The following CELF2 variants were observed in gnomAD, a reference collection of about 807,000 sequenced individuals.
CELF2 encodes CUG triplet repeat RNA-binding protein 2.
A neutral mutation model predicts 62.6 loss-of-function variants in CELF2; 8 were observed. The observed-to-expected ratio is 0.13, with a 90% CI of 0.07 to 0.23. CELF2 has a LOEUF of 0.23. Among genes scored for constraint, CELF2 ranks in the 10% least tolerant of loss-of-function variants. CELF2 has a pLI of 1.00. For missense variants in CELF2, 333 were observed against 671.0 expected (o/e 0.50, Z 5.56); for synonymous variants, 258 against 250.0 (o/e 1.03, Z -0.30).
chr10:10,719,567 C>T, the CELF2 span, among the ~76,000 whole-genome samples: 47 of 152,258 alleles, frequency 3.1e-4, no homozygotes, highest in Non-Finnish European at 5.4e-4. Flanking sequence ...TGTACCCAGC[C>T]TATATTGATT....
chr10:10,664,330 T>A, the CELF2 span, among the ~76,000 whole-genome samples: 2 of 152,224 alleles, frequency 1.3e-5, no homozygotes, highest in Non-Finnish European at 2.9e-5. Flanking sequence ...GCTCAAGTTT[T>A]TAAAAATGAA....
At chr10:10,644,402 CGT>C in the CELF2 span, among the ~76,000 whole-genome samples, 27,469 of 149,856 alleles carry the variant, frequency 0.18, 2,569 homozygotes, top group South Asian at 0.24. Flanking sequence ...AGTGTGTGTT[CGT>C]GTGTGTGTGT....
intron 1 of CELF2, among the ~76,000 whole-genome samples, chr10:11,035,236 T>G (rs1415351425): frequency 6.6e-6 from 1 of 152,250 alleles, no homozygotes; most frequent in Non-Finnish European, 1.5e-5. Context: ...CCAAGCCGTC[T>G]TCTTACCTAA....
At chr10:10,717,408 G>A in the CELF2 span, among the ~76,000 whole-genome samples, 3 of 151,344 alleles carry the variant, frequency 2.0e-5, no homozygotes, top group East Asian at 5.8e-4. Flanking sequence ...GTCAAATACA[G>A]ACACCTAATC....
At position 11,243,500 on chromosome 10, in the gene CELF2, A is replaced by G. The variant is rs916824905; in HGVS notation, c.355-5653A>G. Among the ~76,000 whole-genome samples, 1 of 152,160 alleles carries G rather than the reference A, an allele frequency of 6.6e-6. No homozygotes were observed. The highest frequency in any genetic ancestry group is 1.5e-5 in the Non-Finnish European group (1 of 68,032). On this transcript the variant is annotated intron_variant, in intron 3 of 12. Coordinates refer to ENST00000633077, the MANE Select transcript of CELF2 (RefSeq NM_001326342.2). This position sits in a 1 kb window ranked among gnomAD's most constrained non-coding sequence, Gnocchi z 4.1. ...CCGTTTACTCCCATCAACAGGATCTATTTCCAAAACTCATGCTCCTGCCAT... is the reference window on the plus strand; with the variant it reads ...CCGTTTACTCCCATCAACAGGATCTGTTTCCAAAACTCATGCTCCTGCCAT...
chr10:10,963,496 A>C (rs1238221727), intron 2 of CELF2, among the ~76,000 whole-genome samples: 2 of 152,218 alleles, frequency 1.3e-5, no homozygotes, highest in East Asian at 1.9e-4. Context: ...AATTTGTCAG[A>C]AGTGCATGTA....
intron 2 of CELF2, among the ~76,000 whole-genome samples, chr10:10,921,947 C>T (rs1012838182): frequency 6.6e-6 from 1 of 152,108 alleles, no homozygotes; most frequent in East Asian, 1.9e-4. Context: ...AAGTAGAAAT[C>T]AAGAGAATCT....
At chr10:10,768,176 A>AC in the CELF2 span, among the ~76,000 whole-genome samples, 2 of 152,026 alleles carry the variant, frequency 1.3e-5, no homozygotes, top group African/African-American at 4.8e-5. Context: ...AAAAAAAAAA[A>AC]AAAAACCAAA....
chr10:10,829,158 G>C (rs1000466469), intron 1 of CELF2, among the ~76,000 whole-genome samples: 1 of 152,170 alleles, frequency 6.6e-6, no homozygotes, highest in African/African-American at 2.4e-5. Context: ...TCTTGTCACT[G>C]TCCTATGGAC....
intron 8 of CELF2, among the ~76,000 whole-genome samples, chr10:11,275,621 T>G (rs1018186187): frequency 1.3e-5 from 2 of 152,194 alleles, no homozygotes; most frequent in African/African-American, 2.4e-5. Flanking sequence ...CAGGGTGCCT[T>G]TTTACCGTAG....
intron 1 of CELF2, among the ~76,000 whole-genome samples, chr10:11,021,654 A>C (rs1195452425): frequency 6.6e-6 from 1 of 152,214 alleles, no homozygotes; most frequent in Non-Finnish European, 1.5e-5. Context: ...GATATTGCCC[A>C]CATTTTACAG....
the CELF2 span, among the ~76,000 whole-genome samples, chr10:10,494,987 C>A: frequency 6.6e-6 from 1 of 152,034 alleles, no homozygotes; most frequent in Non-Finnish European, 1.5e-5. Flanking sequence ...AAAAATTTAC[C>A]TCTTTGTGGC....
chr10:10,663,488 A>G, the CELF2 span, among the ~76,000 whole-genome samples: 2 of 152,252 alleles, frequency 1.3e-5, no homozygotes, highest in East Asian at 3.8e-4. Flanking sequence ...TATAAAAGCT[A>G]TTCAATCCAT....
chr10:11,251,362 G>C (rs1442050002), intron 4 of CELF2, among the ~76,000 whole-genome samples: 1 of 146,860 alleles, frequency 6.8e-6, no homozygotes, highest in Non-Finnish European at 1.5e-5. Flanking sequence ...GCTGCCAGGA[G>C]TTTGCAGAGT....
the CELF2 span, among the ~76,000 whole-genome samples, chr10:10,755,262 A>T: frequency 2.0e-5 from 3 of 152,226 alleles, no homozygotes; most frequent in African/African-American, 4.8e-5. Context: ...GAGTGAGAAC[A>T]TGAGTTTCTT....
Position 11,296,661 on chromosome 10 carries a change from T to C in CELF2, c.976+8109T>C, listed in dbSNP as rs78126232. Among the ~76,000 whole-genome samples, 12,409 of 152,120 alleles carry C rather than the reference T, an allele frequency of 0.082. 608 individuals are homozygous for C. Among genetic ancestry groups the C allele is most frequent in the Middle Eastern group, 0.2 (59 of 294 alleles). On this transcript the variant is annotated intron_variant, in intron 9 of 12. Coordinates refer to ENST00000633077, the MANE Select transcript of CELF2 (RefSeq NM_001326342.2). This position sits in a 1 kb window ranked among gnomAD's most constrained non-coding sequence, Gnocchi z 5.0. Reference sequence around the variant, plus strand: ...CGAGAACCCGTCACCATCAACTAGATGCATTGGCCACCTACAAACACAAGC... The same window carrying C: ...CGAGAACCCGTCACCATCAACTAGACGCATTGGCCACCTACAAACACAAGC...
At chr10:10,696,702 G>T in the CELF2 span, among the ~76,000 whole-genome samples, 1 of 151,786 alleles carries the variant, frequency 6.6e-6, no homozygotes, top group Non-Finnish European at 1.5e-5. Flanking sequence ...ATATAGTCTC[G>T]TGGTGCGCCG....
At chr10:10,683,500 A>G in the CELF2 span, among the ~76,000 whole-genome samples, 18,745 of 152,264 alleles carry the variant, frequency 0.12, 1,472 homozygotes, top group Non-Finnish European at 0.18. Flanking sequence ...TGCCACATCT[A>G]CAGTAGGTGC....
chr10:10,550,201 A>G, the CELF2 span, among the ~76,000 whole-genome samples: 1 of 152,328 alleles, frequency 6.6e-6, no homozygotes, highest in Non-Finnish European at 1.5e-5. Flanking sequence ...AGAAAAGAAA[A>G]TGTTACTAAG....
Sources: allele counts gnomAD v4.1 joint callset (sites outside exome capture counted in the v4.1 genomes callset), GRCh38; gene constraint gnomAD v4.1.1; non-coding constraint Gnocchi (gnomAD v3.1); transcripts MANE v1.5; gene names NCBI Gene and HGNC (gene_info 2026-07-23, HGNC 2026-07-21).